The following TLN2 variants were observed in gnomAD, a reference collection of about 807,000 sequenced individuals.
TLN2 encodes talin-2.
In TLN2, 118 loss-of-function variants were observed where a neutral mutation model predicts 294.7. That is an observed-to-expected ratio of 0.40 (90% CI 0.34 to 0.47). The LOEUF is 0.47. Ranked by LOEUF, TLN2 falls within the 20% of genes least tolerant of loss-of-function variation. The pLI is 0.84. For missense variants in TLN2, 3,083 were observed against 3,282.2 expected (o/e 0.94, Z 1.48); for synonymous variants, 1,431 against 1,304.5 (o/e 1.10, Z -2.09).
intron 1 of TLN2, among the ~76,000 whole-genome samples, chr15:62,569,787 T>A (rs994929764): frequency 6.6e-6 from 1 of 152,200 alleles, no homozygotes; most frequent in African/African-American, 2.4e-5. Flanking sequence ...AGTAGTTTTA[T>A]AAACACTCCA....
rs1210937189 is a variant in TLN2, at chr15:62,841,985, C to G, written c.*1375C>G. 1.3e-5 allele frequency: 2 copies of G among 151,964 alleles called. No homozygotes were observed. Among genetic ancestry groups the G allele is most frequent in the East Asian group, 3.9e-4 (2 of 5,186 alleles). The allele number at this position is 151,964 out of a possible 1,614,324, so 9.4% of individuals were successfully genotyped here. A position where few individuals can be genotyped will look rare whatever the true frequency, so the allele number is the denominator to read the frequency against. ...CCTCCGCCTCTCTCTCTCTCTCTCT[C>G]TCTGGTGTGCTATCATGTCTTGGAC... On this transcript the variant is annotated 3_prime_UTR_variant, in exon 59 of 59. Transcript: ENST00000636159.
chr15:62,752,235 T>G, intron 34 of TLN2, 70 bp from the exon 35 acceptor site: 2 of 1,559,796 alleles, frequency 1.3e-6, no homozygotes, highest in Non-Finnish European at 1.7e-6. Context: ...AAAGTTGGAG[T>G]GTAGCCTCCT....
chr15:62,761,101 G>T lies in TLN2; in HGVS notation c.4639-580G>T, dbSNP rs375012080. On this transcript the variant is annotated intron_variant, in intron 37 of 58. Coordinates refer to ENST00000636159, the MANE Select transcript of TLN2 (RefSeq NM_015059.3). ...GATGTTTGTGAGATTTATTTGTATG[G>T]CTGGGGGTAGTTCTCATCTATTCCT... Among the ~76,000 whole-genome samples the T allele has an allele frequency of 8.5e-5, 13 of 152,302 alleles. No individual in the cohort carries two copies. In the East Asian group the frequency reaches 2.3e-3, roughly 27 times the overall value.
At chr15:62,450,349 T>A (rs2036033502) in intron 1 of TLN2, among the ~76,000 whole-genome samples, 1 of 152,164 alleles carries the variant, frequency 6.6e-6, no homozygotes, top group Admixed American at 6.5e-5. Context: ...TCACCGTGTT[T>A]GTAGAAAGCT....
chr15:62,776,783 C>G lies in TLN2; in HGVS notation c.5387C>G (p.Ala1796Gly). The G allele has an allele frequency of 6.3e-7, 1 of 1,587,168 alleles. No individual in the cohort carries two copies. Among genetic ancestry groups the G allele is most frequent in the Non-Finnish European group, 8.6e-7 (1 of 1,165,210 alleles). Residue 1796 changes from alanine to glycine, a missense_variant, in exon 43 of 59, where the codon GCC (alanine) becomes GGC (glycine). By Grantham distance (60) the Ala-to-Gly change is moderately conservative (BLOSUM62 0). Transcript: ENST00000636159. ...GNPKAQHTHD[A>G]ITEAAQLMKE... ...TCTCAGGCACAACACACCCATGACG[C>G]CATCACAGAGGCCGCCCAGTTGATG...
chr15:62,800,427 T>C lies in TLN2; in HGVS notation c.6294T>C (p.Ala2098=), dbSNP rs146392476. The change falls in exon 49 of 59, where the codon GCT becomes GCC. Residue 2098 remains alanine, a synonymous_variant. Coordinates refer to ENST00000636159, the MANE Select transcript of TLN2 (RefSeq NM_015059.3). Reference sequence around the variant, plus strand: ...AGGCCCTTTCTGATCTCATCAGTGCTACCAAGGGAGCTGCCAGCAAGCCAG... The same window carrying C: ...AGGCCCTTTCTGATCTCATCAGTGCCACCAAGGGAGCTGCCAGCAAGCCAG... ...VAKALSDLIS[A]TKGAASKPVD... 231 of 1,614,226 alleles carry C rather than the reference T, an allele frequency of 1.4e-4. No homozygotes were observed. Among genetic ancestry groups the C allele is most frequent in the Non-Finnish European group, 1.8e-4 (212 of 1,180,044 alleles).
At chr15:62,644,682 C>A in intron 3 of TLN2, 1 of 431,096 alleles carries the variant, frequency 2.3e-6, no homozygotes, top group South Asian at 1.7e-5. Flanking sequence ...TGCAGGGCTC[C>A]CTCCTTTGAT....
At chr15:62,564,917 A>ATATATATATAT (rs1262371986) in intron 1 of TLN2, among the ~76,000 whole-genome samples, 2 of 124,702 alleles carry the variant, frequency 1.6e-5, no homozygotes, top group African/African-American at 6.2e-5. Context: ...AAAAAAAAAA[A>ATATATATATAT]AAAAAAAAAT....
chr15:62,586,563 G>A (rs1421975481), intron 1 of TLN2, among the ~76,000 whole-genome samples: 2 of 152,314 alleles, frequency 1.3e-5, no homozygotes, highest in African/African-American at 4.8e-5. Flanking sequence ...AAATTTGTTT[G>A]CTAGAGATAA....
intron 1 of TLN2, among the ~76,000 whole-genome samples, chr15:62,563,737 C>T (rs1006757478): frequency 6.6e-6 from 1 of 152,200 alleles, no homozygotes; most frequent in Non-Finnish European, 1.5e-5. Flanking sequence ...GTCTCTCTCC[C>T]GTTGGGCACA....
intron 1 of TLN2, among the ~76,000 whole-genome samples, chr15:62,489,574 T>G (rs2140403738): frequency 6.6e-6 from 1 of 152,266 alleles, no homozygotes; most frequent in African/African-American, 2.4e-5. Context: ...CCTGGTGGTT[T>G]CAAAGTAAAG....
chr15:62,842,142 AC>A lies in TLN2; in HGVS notation c.*1533del, dbSNP rs1372303434. Reference sequence around the variant, plus strand: ...CTAGCCCATGTCATGGTTTTAAAATACATAAACTTCTGACAGCTTCCCATAT... The same window carrying A: ...CTAGCCCATGTCATGGTTTTAAAATAATAAACTTCTGACAGCTTCCCATAT... On this transcript the variant is annotated 3_prime_UTR_variant, in exon 59 of 59. Coordinates refer to ENST00000636159, the MANE Select transcript of TLN2 (RefSeq NM_015059.3). 6.6e-6 allele frequency: 1 copy of A among 152,202 alleles called. No homozygotes were observed. The highest frequency in any genetic ancestry group is 1.9e-4 in the East Asian group (1 of 5,196). 9.4% of individuals were successfully genotyped at this position (152,202 alleles called of 1,614,324 possible).
At position 62,802,295 on chromosome 15, in the gene TLN2, A is replaced by AT. The variant is rs199745522; in HGVS notation, c.6477+1536dup. Among the ~76,000 whole-genome samples the AT allele has an allele frequency of 6.0e-3, 897 of 148,870 alleles. 6 individuals carry two copies. Among genetic ancestry groups the AT allele is most frequent in the East Asian group, 0.038 (194 of 5,112 alleles). ...ATGTTGTTGCTAATGATAGGATCTC[A>AT]TTTTTTTTTTCCTATGGCTGAATAG... On this transcript the variant is annotated intron_variant, in intron 50 of 58. Transcript: ENST00000636159.
In TLN2 at chr15:62,840,462, G is replaced by T. The variant is rs750389614; in HGVS notation, c.7501-20G>T. 1 of 1,613,778 alleles carries T rather than the reference G, an allele frequency of 6.2e-7. No individual in the cohort carries two copies. Among genetic ancestry groups the T allele is most frequent in the South Asian group, 1.1e-5 (1 of 90,984 alleles). On this transcript the variant is annotated intron_variant, in intron 58 of 58. Coordinates refer to ENST00000636159, the MANE Select transcript of TLN2 (RefSeq NM_015059.3). The stretch of plus-strand genomic sequence containing the variant: ...TTCTACAAAGTGTTAGGTCCATCCA[G>T]CTTGTTGCTTTCTTTCTAGATCATC...
intron 11 of TLN2, among the ~76,000 whole-genome samples, chr15:62,683,657 C>CT (rs2057047650): frequency 6.6e-6 from 1 of 152,162 alleles, no homozygotes; most frequent in Non-Finnish European, 1.5e-5. Flanking sequence ...TCAGGACCAT[C>CT]TTGAGAGAGA....
intron 1 of TLN2, among the ~76,000 whole-genome samples, chr15:62,466,160 T>A (rs989600209): frequency 1.3e-5 from 2 of 151,634 alleles, no homozygotes; most frequent in African/African-American, 4.9e-5. Flanking sequence ...CCTGAATAAT[T>A]AATGGTTGAA....
chr15:62,597,124 G>C (rs1256118053), intron 2 of TLN2, among the ~76,000 whole-genome samples: 1 of 152,068 alleles, frequency 6.6e-6, no homozygotes, highest in East Asian at 1.9e-4. Flanking sequence ...AGATGACACA[G>C]GCAGCCAGCC....
intron 26 of TLN2, among the ~76,000 whole-genome samples, chr15:62,723,457 C>T (rs190319904): frequency 1.3e-5 from 2 of 152,106 alleles, no homozygotes; most frequent in East Asian, 1.9e-4. Flanking sequence ...AACATTGAAC[C>T]ACACTGCTCG....
intron 1 of TLN2, among the ~76,000 whole-genome samples, chr15:62,551,571 C>A (rs1259446051): frequency 6.6e-6 from 1 of 151,798 alleles, no homozygotes; most frequent in East Asian, 1.9e-4. Flanking sequence ...TGGTGGCAGG[C>A]ACCTGTAATC....
Sources: gnomAD v4.1 joint callset for allele counts (sites outside exome capture counted in the v4.1 genomes callset) on GRCh38, gnomAD v4.1.1 for gene constraint, MANE v1.5 for transcripts, NCBI Gene and HGNC (gene_info 2026-07-23, HGNC 2026-07-21) for gene names.